Variants in CCBE1 observed in about 807,000 individuals in gnomAD.
CCBE1 encodes the protein collagen and calcium binding EGF domains 1, also known as collagen and calcium-binding EGF domain-containing protein 1.
In CCBE1, 37 loss-of-function variants were observed where a neutral mutation model predicts 50.0. The ratio of observed to expected loss-of-function variants is 0.74; its 90% CI spans 0.57 to 0.97. The LOEUF is 0.97. Among genes scored for constraint, CCBE1 ranks in the 50% least tolerant of loss-of-function variants. The pLI, the probability that CCBE1 is intolerant of heterozygous loss-of-function variation, is 0.00. For synonymous variants in CCBE1, 234 were observed against 203.7 expected (o/e 1.15, Z -1.27); for missense variants, 538 against 523.8 (o/e 1.03, Z -0.26).
intron 2 of CCBE1, among the ~76,000 whole-genome samples, chr18:59,614,636 C>T (rs1025586486): frequency 1.3e-5 from 2 of 152,190 alleles, no homozygotes; most frequent in African/African-American, 2.4e-5. Flanking sequence ...AGAAGCATAT[C>T]CTGAGCTCTC....
intron 2 of CCBE1, 71 bp downstream of exon 2, chr18:59,696,558 C>CT: frequency 6.2e-7 from 1 of 1,605,256 alleles, no homozygotes; most frequent in East Asian, 2.2e-5. Flanking sequence ...CAAACCCCTC[C>CT]TTTACAGCGC....
intron 2 of CCBE1, among the ~76,000 whole-genome samples, chr18:59,635,935 G>C (rs934975688): frequency 1.3e-5 from 2 of 152,134 alleles, no homozygotes; most frequent in Non-Finnish European, 2.9e-5. Context: ...GCTGAGGTGG[G>C]AATGATAGCT....
chr18:59,514,011 G>A (rs764363998), intron 2 of CCBE1, among the ~76,000 whole-genome samples: 19 of 152,172 alleles, frequency 1.2e-4, no homozygotes, highest in Non-Finnish European at 1.9e-4. Context: ...AACGAGAACA[G>A]CAGTATCATC....
chr18:59,531,326 A>T (rs1915040430), intron 2 of CCBE1, among the ~76,000 whole-genome samples: 1 of 152,136 alleles, frequency 6.6e-6, no homozygotes. Flanking sequence ...AACACAAACC[A>T]AATTTACTTT....
At chr18:59,497,007 C>T (rs372736426) in intron 2 of CCBE1, among the ~76,000 whole-genome samples, 225 of 152,176 alleles carry the variant, frequency 1.5e-3, no homozygotes, top group African/African-American at 3.8e-3. Context: ...ATTTTTTCTT[C>T]GGCAAAATGG....
At chr18:59,437,504 C>G (rs2143610581) in intron 10 of CCBE1, among the ~76,000 whole-genome samples, 1 of 152,294 alleles carries the variant, frequency 6.6e-6, no homozygotes, top group South Asian at 2.1e-4. Context: ...AGATGGGAAC[C>G]CACGACTCCT....
intron 2 of CCBE1, among the ~76,000 whole-genome samples, chr18:59,618,255 C>G (rs1208695327): frequency 6.6e-6 from 1 of 151,704 alleles, no homozygotes; most frequent in Non-Finnish European, 1.5e-5. Flanking sequence ...TTGAGACCAG[C>G]TTGGGAAACA....
At chr18:59,657,958 A>G (rs1353478093) in intron 2 of CCBE1, among the ~76,000 whole-genome samples, 3 of 152,066 alleles carry the variant, frequency 2.0e-5, no homozygotes, top group Non-Finnish European at 2.9e-5. Flanking sequence ...AGGAGGCCAC[A>G]TTATAGCCAC....
At position 59,436,082 on chromosome 18, in the gene CCBE1, G is replaced by A. The variant is rs779502589; in HGVS notation, c.1047C>T (p.Ile349=). 4.3e-6 allele frequency: 7 copies of A among 1,614,102 alleles called. No individual in the cohort carries two copies. The highest frequency in any genetic ancestry group is 1.3e-5 in the African/African-American group (1 of 74,938). ...LLMLADIRND[I]TELQEKVFGH... Reference sequence around the variant, plus strand: ...CGAACACCTTTTCCTGCAGCTCAGTGATGTCATTGCGGATGTCAGCCAGCA... The same window carrying A: ...CGAACACCTTTTCCTGCAGCTCAGTAATGTCATTGCGGATGTCAGCCAGCA... The change falls in exon 11 of 11, where the codon ATC becomes ATT. Residue 349 remains isoleucine (I), a synonymous_variant. Coordinates refer to ENST00000439986, the MANE Select transcript of CCBE1 (RefSeq NM_133459.4).
intron 2 of CCBE1, among the ~76,000 whole-genome samples, chr18:59,626,836 G>C (rs2053791618): frequency 1.3e-5 from 2 of 152,216 alleles, no homozygotes; most frequent in South Asian, 4.1e-4. Flanking sequence ...GGAAAATCAA[G>C]GCCTGGAGGG....
At chr18:59,472,668 C>T (rs1239874688) in intron 3 of CCBE1, among the ~76,000 whole-genome samples, 1 of 152,216 alleles carries the variant, frequency 6.6e-6, no homozygotes, top group Non-Finnish European at 1.5e-5. Context: ...AATGTGCATT[C>T]ACCATGAACC....
intron 2 of CCBE1, among the ~76,000 whole-genome samples, chr18:59,651,934 T>C (rs1480093734): frequency 1.3e-5 from 2 of 152,224 alleles, no homozygotes; most frequent in African/African-American, 4.8e-5. Flanking sequence ...TTGTTAAGTA[T>C]AGTCATCCTG....
intron 2 of CCBE1, among the ~76,000 whole-genome samples, chr18:59,582,677 C>A (rs934520698): frequency 3.3e-5 from 5 of 152,162 alleles, no homozygotes; most frequent in African/African-American, 1.2e-4. Flanking sequence ...ACCCCCCAGT[C>A]CACACCCAAC....
At chr18:59,576,522 T>C (rs557254383) in intron 2 of CCBE1, among the ~76,000 whole-genome samples, 1 of 152,358 alleles carries the variant, frequency 6.6e-6, no homozygotes, top group East Asian at 1.9e-4. Flanking sequence ...TAGGTGTTTA[T>C]GACTGGGGCA....
At chr18:59,562,367 G>A (rs2052752045) in intron 2 of CCBE1, among the ~76,000 whole-genome samples, 1 of 152,042 alleles carries the variant, frequency 6.6e-6, no homozygotes, top group African/African-American at 2.4e-5. Context: ...TAAAGAGGAG[G>A]GTAATCCTCT....
intron 2 of CCBE1, among the ~76,000 whole-genome samples, chr18:59,654,411 A>C (rs2054160748): frequency 6.6e-6 from 1 of 152,208 alleles, no homozygotes; most frequent in African/African-American, 2.4e-5. Context: ...GGATCACTTG[A>C]GGTCACGAGT....
At chr18:59,682,887 A>G (rs746780568) in intron 2 of CCBE1, among the ~76,000 whole-genome samples, 2 of 152,248 alleles carry the variant, frequency 1.3e-5, no homozygotes, top group African/African-American at 2.4e-5. Context: ...ATAAAGTCTT[A>G]AAAAGAGAAT....
At chr18:59,572,742 A>G (rs1481918443) in intron 2 of CCBE1, among the ~76,000 whole-genome samples, 1 of 152,174 alleles carries the variant, frequency 6.6e-6, no homozygotes, top group Non-Finnish European at 1.5e-5. Context: ...GAATCCCAGA[A>G]CCATTTTCAC....
At chr18:59,658,321 T>TTAAAA (rs1568258284) in intron 2 of CCBE1, among the ~76,000 whole-genome samples, 1 of 6,424 alleles carries the variant, frequency 1.6e-4, no homozygotes. Flanking sequence ...ACCCTGTCTC[T>TTAAAA]AAAAAAAAAA....
Sources: allele counts gnomAD v4.1 joint callset (sites outside exome capture counted in the v4.1 genomes callset), GRCh38; gene constraint gnomAD v4.1.1; transcripts MANE v1.5; gene names NCBI Gene and HGNC (gene_info 2026-07-23, HGNC 2026-07-21).